The following EYS variants were observed in gnomAD, a reference collection of about 807,000 sequenced individuals.
EYS encodes protein eyes shut homolog.
EYS carries 250 observed loss-of-function variants against 282.1 expected under a neutral mutation model. That is an observed-to-expected ratio of 0.89 (90% CI 0.80 to 0.98). The LOEUF is 0.98. Ranked by LOEUF, EYS falls within the 50% of genes least tolerant of loss-of-function variation. EYS has a pLI of 0.00. For synonymous variants in EYS, 1,355 were observed against 1,282.9 expected, an observed-to-expected ratio of 1.06 and a Z score of -1.20; for missense variants, 4,016 against 3,709.0, an observed-to-expected ratio of 1.08 and a Z score of -2.15.
chr6:64,517,697 C>A (rs1777604964), intron 26 of EYS, among the ~76,000 whole-genome samples: 1 of 151,680 alleles, frequency 6.6e-6, no homozygotes, highest in Non-Finnish European at 1.5e-5. Flanking sequence ...TTAATTACTT[C>A]TCATATTGAA....
chr6:64,589,445 A>C (rs1335407541), intron 26 of EYS, among the ~76,000 whole-genome samples: 1 of 152,116 alleles, frequency 6.6e-6, no homozygotes, highest in East Asian at 1.9e-4. Context: ...AAATTCCACA[A>C]GATAGAATTT....
chr6:65,448,250 G>A (rs1011929913), intron 5 of EYS, among the ~76,000 whole-genome samples: 4 of 151,910 alleles, frequency 2.6e-5, no homozygotes, highest in East Asian at 1.9e-4. Flanking sequence ...CACACTGCAC[G>A]GCATTAAGGG....
chr6:64,890,565 G>A (rs139909584), intron 18 of EYS, among the ~76,000 whole-genome samples: 3 of 152,130 alleles, frequency 2.0e-5, no homozygotes. Context: ...TCCCCGATAT[G>A]TTATATTCAT....
chr6:64,082,009 A>C lies in EYS; in HGVS notation c.6425-7T>G. The C allele has an allele frequency of 2.6e-6, 4 of 1,519,184 alleles. No individual in the cohort carries two copies. Among genetic ancestry groups the C allele is most frequent in the Non-Finnish European group, 3.6e-6 (4 of 1,121,008 alleles). 94.1% of individuals were successfully genotyped at this position (1,519,184 alleles called of 1,614,324 possible). A position where few individuals can be genotyped will look rare whatever the true frequency, so the allele number is the denominator to read the frequency against. ...GGAAAGAATAAACCTGCATCTAAAAAAGAAAATGGTATTAATATGTTCTGA... is the reference window on the plus strand; with the variant it reads ...GGAAAGAATAAACCTGCATCTAAAACAGAAAATGGTATTAATATGTTCTGA... On this transcript the variant is annotated splice_polypyrimidine_tract_variant and splice_region_variant and intron_variant, in intron 31 of 42. Transcript: ENST00000503581.
At chr6:64,828,861 G>A (rs1390206278) in intron 19 of EYS, among the ~76,000 whole-genome samples, 2 of 151,988 alleles carry the variant, frequency 1.3e-5, no homozygotes, top group African/African-American at 4.8e-5. Flanking sequence ...AAAGTCTGAG[G>A]TTGGTTCATG....
chr6:65,255,365 C>G (rs1322593968), intron 12 of EYS, among the ~76,000 whole-genome samples: 1 of 151,750 alleles, frequency 6.6e-6, no homozygotes, highest in Non-Finnish European at 1.5e-5. Context: ...TCACCATAAT[C>G]AAAAAGTAAA....
intron 31 of EYS, among the ~76,000 whole-genome samples, chr6:64,171,703 T>C (rs1764487443): frequency 6.6e-6 from 1 of 152,182 alleles, no homozygotes; most frequent in Admixed American, 6.6e-5. Context: ...TGTCTTAGAG[T>C]AACTAACAAT....
chr6:64,199,425 A>C (rs1434920614), intron 31 of EYS, among the ~76,000 whole-genome samples: 1 of 152,238 alleles, frequency 6.6e-6, no homozygotes, highest in African/African-American at 2.4e-5. Context: ...CTTATACAAA[A>C]ATTAAAATGG....
At chr6:64,007,032 C>T (rs940923804) in intron 33 of EYS, among the ~76,000 whole-genome samples, 12 of 152,020 alleles carry the variant, frequency 7.9e-5, no homozygotes, top group African/African-American at 2.9e-4. Flanking sequence ...AGGAGGAGTC[C>T]CTCATCCTCA....
intron 12 of EYS, among the ~76,000 whole-genome samples, chr6:65,213,652 AT>A (rs1766233211): frequency 6.6e-6 from 1 of 152,182 alleles, no homozygotes; most frequent in Non-Finnish European, 1.5e-5. Context: ...AGATAACTTA[AT>A]TGCTAAATGT....
At chr6:64,231,089 G>T (rs915754455) in intron 30 of EYS, among the ~76,000 whole-genome samples, 2 of 152,046 alleles carry the variant, frequency 1.3e-5, no homozygotes, top group African/African-American at 4.8e-5. Context: ...TTGTTTTATG[G>T]AAAAAACATA....
chr6:65,306,111 A>G (rs939517804), intron 11 of EYS, among the ~76,000 whole-genome samples: 3 of 152,210 alleles, frequency 2.0e-5, no homozygotes, highest in East Asian at 3.8e-4. Flanking sequence ...TATGTTGTAT[A>G]TAATCAGGAG....
At chr6:64,403,630 T>C (rs2150437864) in intron 28 of EYS, among the ~76,000 whole-genome samples, 1 of 152,292 alleles carries the variant, frequency 6.6e-6, no homozygotes, top group Non-Finnish European at 1.5e-5. Flanking sequence ...GTGCTGGGAT[T>C]ACAGGCGTGA....
chr6:64,585,658 G>T (rs574025912), intron 26 of EYS, among the ~76,000 whole-genome samples: 1 of 152,060 alleles, frequency 6.6e-6, no homozygotes, highest in African/African-American at 2.4e-5. Flanking sequence ...TTTATATATA[G>T]CATGTATATC....
chr6:64,149,205 C>A (rs1194260350), intron 31 of EYS, among the ~76,000 whole-genome samples: 1 of 152,152 alleles, frequency 6.6e-6, no homozygotes, highest in Non-Finnish European at 1.5e-5. Flanking sequence ...ACTAGTATCC[C>A]ACTATCAAAA....
At chr6:64,637,344 C>T (rs1322188550) in intron 22 of EYS, among the ~76,000 whole-genome samples, 1 of 80,358 alleles carries the variant, frequency 1.2e-5, no homozygotes, top group African/African-American at 4.9e-5. Flanking sequence ...ATCGCAAGGA[C>T]AAAAAAACAA....
chr6:64,205,862 G>T (rs539711061), intron 31 of EYS, among the ~76,000 whole-genome samples: 42 of 151,424 alleles, frequency 2.8e-4, no homozygotes, highest in East Asian at 2.1e-3. Flanking sequence ...TATATAGAGA[G>T]AGAGAGAGAG....
intron 11 of EYS, among the ~76,000 whole-genome samples, chr6:65,317,057 TTTCTC>T (rs1475492791): frequency 1.3e-5 from 2 of 152,160 alleles, no homozygotes; most frequent in African/African-American, 2.4e-5. Context: ...ATAACTATGA[TTTCTC>T]TTTATGTTTG....
intron 22 of EYS, among the ~76,000 whole-genome samples, chr6:64,725,952 T>C (rs1244911953): frequency 6.6e-6 from 1 of 152,158 alleles, no homozygotes; most frequent in Non-Finnish European, 1.5e-5. Flanking sequence ...CCAAAACCTT[T>C]ATCACTATGC....
Sources: gnomAD v4.1 joint callset for allele counts (sites outside exome capture counted in the v4.1 genomes callset) on GRCh38, gnomAD v4.1.1 for gene constraint, MANE v1.5 for transcripts, NCBI Gene and HGNC (gene_info 2026-07-23, HGNC 2026-07-21) for gene names.